Variants in TDRD5 observed in about 807,000 individuals in gnomAD.
TDRD5 encodes the protein tudor domain containing 5, also known as tudor domain-containing protein 5.
A neutral mutation model predicts 120.6 loss-of-function variants in TDRD5; 41 were observed. The ratio of observed to expected loss-of-function variants is 0.34; its 90% CI spans 0.26 to 0.44. The LOEUF (loss-of-function observed/expected upper bound fraction) is 0.44, where lower values mean the gene tolerates loss of function less well. Among genes scored for constraint, TDRD5 ranks in the 20% least tolerant of loss-of-function variants. The pLI, the probability that TDRD5 is intolerant of heterozygous loss-of-function variation, is 1.00. For synonymous variants in TDRD5, 430 were observed against 433.7 expected, an observed-to-expected ratio of 0.99 and a Z score of 0.11; for missense variants, 1,006 against 1,221.2, an observed-to-expected ratio of 0.82 and a Z score of 2.63.
At chr1:179,637,274 A>T (rs1321727954) in intron 9 of TDRD5, among the ~76,000 whole-genome samples, 3 of 152,200 alleles carry the variant, frequency 2.0e-5, no homozygotes, top group Non-Finnish European at 2.9e-5. Flanking sequence ...CAGTATGCCC[A>T]TGGGACATTT....
chr1:179,635,451 A>G (rs1320149632), intron 8 of TDRD5, among the ~76,000 whole-genome samples: 1 of 152,182 alleles, frequency 6.6e-6, no homozygotes, highest in East Asian at 1.9e-4. Flanking sequence ...TAACATAGGT[A>G]AGAATCACCC....
At chr1:179,639,103 A>G (rs1677909325) in intron 9 of TDRD5, among the ~76,000 whole-genome samples, 2 of 152,266 alleles carry the variant, frequency 1.3e-5, no homozygotes, top group African/African-American at 4.8e-5. Context: ...GTAGTGTGGT[A>G]TAAGACATGA....
intron 11 of TDRD5, among the ~76,000 whole-genome samples, chr1:179,644,336 A>T (rs1015488135): frequency 6.6e-6 from 1 of 152,156 alleles, no homozygotes; most frequent in African/African-American, 2.4e-5. Flanking sequence ...TGTATGTTGG[A>T]GTTTATAGCA....
Position 179,640,046 on chromosome 1 carries a change from C to G in TDRD5, c.1728C>G (p.Phe576Leu). ...IGIVQKSSLR[F>L]LKCCYTKLPA... ...TTGTTCAGAAGTCCTCCCTGAGGTTCCTCAAGTGAGTTGAATTGAATTAGA... is the reference window on the plus strand; with the variant it reads ...TTGTTCAGAAGTCCTCCCTGAGGTTGCTCAAGTGAGTTGAATTGAATTAGA... The change falls in exon 10 of 18, where the codon TTC becomes TTG. Residue 576 changes from phenylalanine (F) to leucine (L), a missense_variant. Phe to Leu is a conservative substitution (Grantham distance 22, BLOSUM62 0). This residue lies in a region of TDRD5 where 158 missense variants were observed against 257.5 expected (regional missense o/e 0.61). Coordinates refer to ENST00000444136, the MANE Select transcript of TDRD5 (RefSeq NM_001199085.3). 1 of 1,613,992 alleles carries G rather than the reference C, an allele frequency of 6.2e-7. No individual in the cohort carries two copies. Among genetic ancestry groups the G allele is most frequent in the Non-Finnish European group, 8.5e-7 (1 of 1,179,930 alleles).
At position 179,639,969 on chromosome 1, in the gene TDRD5, C is replaced by G; in HGVS notation, c.1651C>G (p.Leu551Val). The G allele has an allele frequency of 6.2e-7, 1 of 1,614,082 alleles. No homozygotes were observed. The highest frequency in any genetic ancestry group is 8.5e-7 in the Non-Finnish European group (1 of 1,179,986). ...WWYRVIIHRV[L>V]EKQEVEVFYP... is the part of the protein sequence containing the mutation. ...GTATCGGGTCATTATCCATCGAGTC[C>G]TTGAGAAACAGGAAGTTGAAGTGTT... The change falls in exon 10 of 18, where the codon CTT becomes GTT. Residue 551 changes from leucine (L) to valine (V), a missense_variant. Physicochemically the swap from Leu to Val is conservative, Grantham distance 32. Coordinates refer to ENST00000444136, the MANE Select transcript of TDRD5 (RefSeq NM_001199085.3).
At chr1:179,669,502 C>A in intron 17 of TDRD5, 98 bp downstream of exon 17, 2 of 1,293,518 alleles carry the variant, frequency 1.5e-6, no homozygotes, top group Non-Finnish European at 2.2e-6. Context: ...CAAAATATAC[C>A]TTGAAACATT....
At chr1:179,638,153 G>GGGACTCTGTTGCTAGAGA (rs1292450141) in intron 9 of TDRD5, among the ~76,000 whole-genome samples, 6 of 133,130 alleles carry the variant, frequency 4.5e-5, no homozygotes, top group South Asian at 2.4e-4. Context: ...AATACCATGG[G>GGGACTCTGTTGCTAGAGA]AAGATGTTTT....
At chr1:179,653,112 A>G (rs1390378335) in intron 13 of TDRD5, among the ~76,000 whole-genome samples, 1 of 152,204 alleles carries the variant, frequency 6.6e-6, no homozygotes, top group African/African-American at 2.4e-5. Context: ...TGAGGACTTA[A>G]TATTTCTTGA....
chr1:179,671,760 C>T (rs1322577136), intron 17 of TDRD5, among the ~76,000 whole-genome samples: 1 of 152,010 alleles, frequency 6.6e-6, no homozygotes, highest in Non-Finnish European at 1.5e-5. Context: ...CTCTTGAGTC[C>T]CCAAAGTCCA....
chr1:179,595,379 T>C (rs903394594), intron 3 of TDRD5, among the ~76,000 whole-genome samples: 9 of 152,138 alleles, frequency 5.9e-5, no homozygotes, highest in African/African-American at 1.7e-4. Context: ...CAGGTGACCT[T>C]AAGTGGACTT....
chr1:179,618,551 C>A (rs779455453), intron 4 of TDRD5, 48 bp from the exon 5 acceptor site: 1 of 1,438,332 alleles, frequency 7.0e-7, no homozygotes, highest in Non-Finnish European at 9.4e-7. Context: ...CTTTGACTTT[C>A]TTTGGTCAGG....
At chr1:179,615,027 A>G (rs1207703548) in intron 4 of TDRD5, among the ~76,000 whole-genome samples, 1 of 152,084 alleles carries the variant, frequency 6.6e-6, no homozygotes, top group Non-Finnish European at 1.5e-5. Flanking sequence ...TGTCTTCTCA[A>G]TCCTCCCACC....
chr1:179,683,257 G>A (rs1286847735), intron 17 of TDRD5, among the ~76,000 whole-genome samples: 1 of 152,156 alleles, frequency 6.6e-6, no homozygotes, highest in African/African-American at 2.4e-5. Flanking sequence ...ATGTCTGAAA[G>A]CTGTTGTTTC....
At chr1:179,655,497 C>T (rs1353671638) in intron 14 of TDRD5, among the ~76,000 whole-genome samples, 2 of 151,954 alleles carry the variant, frequency 1.3e-5, no homozygotes, top group Non-Finnish European at 2.9e-5. Flanking sequence ...GTGTACTATT[C>T]TATCAACTTT....
chr1:179,633,601 C>T lies in TDRD5; in HGVS notation c.1127-856C>T, dbSNP rs866922167. ...TCCTGACCTTGTGATCCACCCGCCT[C>T]GGCCTCCCAAAGTGCTGGGATTACA... is the stretch of plus-strand genomic sequence containing the variant. On this transcript the variant is annotated intron_variant, in intron 7 of 17. Transcript: ENST00000444136. Among the ~76,000 whole-genome samples the T allele has an allele frequency of 5.3e-5, 8 of 151,992 alleles. 1 individual carries two copies. The East Asian group carries it at 1.4e-3, about 26-fold the overall frequency.
At chr1:179,608,821 C>A (rs1467564278) in intron 4 of TDRD5, among the ~76,000 whole-genome samples, 1 of 151,690 alleles carries the variant, frequency 6.6e-6, no homozygotes, top group Admixed American at 6.6e-5. Context: ...GGATGCTAGA[C>A]CATTGTGAAT....
chr1:179,666,233 C>T (rs78522826), intron 16 of TDRD5, among the ~76,000 whole-genome samples: 1,894 of 152,276 alleles, frequency 0.012, 33 homozygotes, highest in African/African-American at 0.042. Context: ...TAAACACATA[C>T]ATGAGAACAT....
At chr1:179,604,570 G>T (rs1006256853) in intron 4 of TDRD5, among the ~76,000 whole-genome samples, 2 of 151,908 alleles carry the variant, frequency 1.3e-5, no homozygotes, top group African/African-American at 4.8e-5. Context: ...GTTTTTGATA[G>T]ACCGTGTCAT....
chr1:179,677,031 C>T (rs955571957), intron 17 of TDRD5, among the ~76,000 whole-genome samples: 7 of 152,012 alleles, frequency 4.6e-5, no homozygotes, highest in Non-Finnish European at 8.8e-5. Flanking sequence ...TTCTTGGAGG[C>T]GTTGTTCATT....
Sources: gnomAD v4.1 joint callset for allele counts (sites outside exome capture counted in the v4.1 genomes callset) on GRCh38, gnomAD v4.1.1 for gene constraint, gnomAD v4.1.1 regional missense constraint, MANE v1.5 for transcripts, NCBI Gene and HGNC (gene_info 2026-07-23, HGNC 2026-07-21) for gene names.